The following ZCCHC4 variants were observed in gnomAD, a reference collection of about 807,000 sequenced individuals.
ZCCHC4 encodes the protein rRNA N(6)-adenosine-methyltransferase ZCCHC4.
Under a neutral mutation model 67.7 loss-of-function variants are expected in ZCCHC4, and 54 were observed. That is an observed-to-expected ratio of 0.80 (90% confidence interval 0.64 to 1.00). ZCCHC4 has a LOEUF of 1.00. Among genes scored for constraint, ZCCHC4 ranks in the 50% least tolerant of loss-of-function variants. ZCCHC4 has a pLI of 0.00. For missense variants in ZCCHC4, 609 were observed against 617.0 expected (o/e 0.99, Z 0.14); for synonymous variants, 198 against 213.5 (o/e 0.93, Z 0.63).
At chr4:25,350,767 C>T (rs921679394) in intron 7 of ZCCHC4, among the ~76,000 whole-genome samples, 1 of 152,068 alleles carries the variant, frequency 6.6e-6, no homozygotes, top group African/African-American at 2.4e-5. Context: ...GTTTTTAAGT[C>T]CACTAATTAG....
At chr4:25,347,275 C>A (rs1161001589) in intron 6 of ZCCHC4, among the ~76,000 whole-genome samples, 1 of 152,026 alleles carries the variant, frequency 6.6e-6, no homozygotes, top group Admixed American at 6.6e-5. Context: ...AAATTAAATA[C>A]CTAAAGGTTG....
At chr4:25,316,417 C>T (rs1047133881) in intron 3 of ZCCHC4, among the ~76,000 whole-genome samples, 3 of 152,204 alleles carry the variant, frequency 2.0e-5, no homozygotes, top group African/African-American at 7.2e-5. Context: ...GTGGCTGCAC[C>T]ATTTTACATT....
At chr4:25,340,669 G>T (rs1719711897) in intron 5 of ZCCHC4, among the ~76,000 whole-genome samples, 1 of 152,068 alleles carries the variant, frequency 6.6e-6, no homozygotes, top group Admixed American at 6.6e-5. Flanking sequence ...TTCTTTAAAT[G>T]ATATTTTGTA....
chr4:25,330,756 A>G (rs1248959702), intron 3 of ZCCHC4, among the ~76,000 whole-genome samples: 2 of 152,084 alleles, frequency 1.3e-5, no homozygotes, highest in Non-Finnish European at 2.9e-5. Context: ...GTACTTGTGT[A>G]TTGTGAGGCA....
intron 3 of ZCCHC4, 40 bp downstream of exon 3, chr4:25,315,440 T>C (rs773472311): frequency 6.6e-7 from 1 of 1,503,872 alleles, no homozygotes; most frequent in African/African-American, 1.4e-5. Flanking sequence ...AGTTTAGCTG[T>C]CATTTTTTTT....
chr4:25,323,977 A>G (rs1553895885), intron 3 of ZCCHC4, among the ~76,000 whole-genome samples: 5 of 136,318 alleles, frequency 3.7e-5, no homozygotes, highest in Non-Finnish European at 1.6e-5. Context: ...CTAGAAGTTT[A>G]TATAAAGGTA....
intron 12 of ZCCHC4, among the ~76,000 whole-genome samples, 183 bp from the exon 13 acceptor site, chr4:25,368,846 G>A (rs1721039960): frequency 6.6e-6 from 1 of 152,000 alleles, no homozygotes; most frequent in Non-Finnish European, 1.5e-5. Flanking sequence ...CATTTTGCTT[G>A]GTTAGGCCTC....
chr4:25,315,193 T>C (rs12508686), intron 2 of ZCCHC4, 125 bp from the exon 3 acceptor site: 443,524 of 772,356 alleles, frequency 0.57, 131,085 homozygotes, highest in Non-Finnish European at 0.61. Context: ...TTTTGTTTTC[T>C]CCTGAAATGA....
intron 8 of ZCCHC4, among the ~76,000 whole-genome samples, chr4:25,358,005 A>C (rs752201253): frequency 1.4e-4 from 21 of 152,366 alleles, no homozygotes; most frequent in African/African-American, 5.0e-4. Context: ...AGGTGGATTT[A>C]GTGGCCAGGT....
At chr4:25,353,359 A>G (rs542312355) in intron 8 of ZCCHC4, among the ~76,000 whole-genome samples, 1 of 152,342 alleles carries the variant, frequency 6.6e-6, no homozygotes, top group South Asian at 2.1e-4. Flanking sequence ...GCCATTTTAT[A>G]CTTGACTTCT....
chr4:25,315,487 A>G (rs1718210251), intron 3 of ZCCHC4, 87 bp downstream of exon 3: 3 of 1,008,970 alleles, frequency 3.0e-6, no homozygotes, highest in Non-Finnish European at 2.8e-6. Flanking sequence ...GTTTACTTTC[A>G]TTTATTTATT....
chr4:25,367,457 A>C, intron 12 of ZCCHC4, among the ~76,000 whole-genome samples: 1 of 152,196 alleles, frequency 6.6e-6, no homozygotes, highest in East Asian at 1.9e-4. Flanking sequence ...CCTGCTTATA[A>C]GTGGATGAGC....
chr4:25,315,415 T>C lies in ZCCHC4; in HGVS notation c.329+15T>C. 2 of 1,565,430 alleles carry C rather than the reference T, an allele frequency of 1.3e-6. No individual in the cohort carries two copies. The highest frequency in any genetic ancestry group is 1.9e-5 in the Admixed American group (1 of 53,152). On this transcript the variant is annotated intron_variant, in intron 3 of 12. Transcript: ENST00000302874. Reference sequence around the variant, plus strand: ...TGTGTGGAAAGGTACTGATGCAGTGTCATTTTTCTTTATTAGTTTAGCTGT... The same window carrying C: ...TGTGTGGAAAGGTACTGATGCAGTGCCATTTTTCTTTATTAGTTTAGCTGT...
At chr4:25,328,245 C>T (rs374452991) in intron 3 of ZCCHC4, among the ~76,000 whole-genome samples, 91 of 150,252 alleles carry the variant, frequency 6.1e-4, no homozygotes, top group African/African-American at 2.1e-3. Context: ...CAGAATCTAT[C>T]TTTTTTTTTT....
At chr4:25,364,153 C>T (rs1465115733) in intron 10 of ZCCHC4, among the ~76,000 whole-genome samples, 1 of 152,114 alleles carries the variant, frequency 6.6e-6, no homozygotes, top group Non-Finnish European at 1.5e-5. Context: ...TTGAAATTTT[C>T]ATTTGAGTCC....
intron 3 of ZCCHC4, among the ~76,000 whole-genome samples, chr4:25,315,713 T>TG (rs1491334483): frequency 1.3e-4 from 2 of 15,732 alleles, no homozygotes; most frequent in African/African-American, 2.8e-4. Flanking sequence ...TTTTTGTGTG[T>TG]TTTTTTTTTT....
intron 6 of ZCCHC4, among the ~76,000 whole-genome samples, chr4:25,348,508 G>A (rs967038128): frequency 1.1e-4 from 16 of 152,152 alleles, no homozygotes; most frequent in Admixed American, 1.0e-3. Flanking sequence ...AAGGATGGTG[G>A]TGACTGTACT....
In ZCCHC4 at chr4:25,333,326, G is replaced by C; in HGVS notation, c.473G>C (p.Ser158Thr). ...NVSITQLRRPSQLLYPLENKK... is the reference protein window; with the variant it reads ...NVSITQLRRPTQLLYPLENKK... The stretch of plus-strand genomic sequence containing the variant: ...TCCATTACCCAGTTAAGAAGGCCCA[G>C]TCAACTCCTTTATCCACTGGAAAAC... Residue 158 changes from serine (S) to threonine (T), a missense_variant, in exon 4 of 13, where the codon AGT becomes ACT. Coordinates refer to ENST00000302874, the MANE Select transcript of ZCCHC4 (RefSeq NM_024936.3). The C allele has an allele frequency of 1.2e-6, 2 of 1,614,086 alleles. No individual in the cohort carries two copies. Among genetic ancestry groups the C allele is most frequent in the Non-Finnish European group, 1.7e-6 (2 of 1,180,010 alleles).
chr4:25,360,781 C>T (rs979298519), intron 8 of ZCCHC4, among the ~76,000 whole-genome samples: 1 of 152,212 alleles, frequency 6.6e-6, no homozygotes, highest in Non-Finnish European at 1.5e-5. Flanking sequence ...TAAGAAAGGG[C>T]ATCCCCACAT....
Sources: gnomAD v4.1 joint callset for allele counts (sites outside exome capture counted in the v4.1 genomes callset) on GRCh38, gnomAD v4.1.1 for gene constraint, MANE v1.5 for transcripts, NCBI Gene and HGNC (gene_info 2026-07-23, HGNC 2026-07-21) for gene names.